MAST4: variants seen among roughly 807,000 people sequenced by gnomAD.
MAST4 encodes microtubule associated serine/threonine kinase family member 4, also known as microtubule-associated serine/threonine-protein kinase 4.
Under a neutral mutation model 162.7 loss-of-function variants are expected in MAST4, and 89 were observed. That is an observed-to-expected ratio of 0.55 (90% CI 0.46 to 0.65). The LOEUF is 0.65. MAST4 is among the 30% of genes least tolerant of loss of function. The pLI, the probability that MAST4 is intolerant of heterozygous loss-of-function variation, is 0.00. For synonymous variants in MAST4, 1,479 were observed against 1,361.1 expected, an observed-to-expected ratio of 1.09 and a Z score of -1.91; for missense variants, 3,153 against 3,374.0, an observed-to-expected ratio of 0.93 and a Z score of 1.62.
intron 3 of MAST4, among the ~76,000 whole-genome samples, chr5:66,887,933 G>A (rs994778395): frequency 2.6e-5 from 4 of 152,044 alleles, no homozygotes; most frequent in Non-Finnish European, 5.9e-5. Flanking sequence ...ATTGGGCTGG[G>A]CGCGGTGGCT....
chr5:67,039,582 A>G (rs1038700110), intron 4 of MAST4, among the ~76,000 whole-genome samples: 1 of 152,334 alleles, frequency 6.6e-6, no homozygotes, highest in Non-Finnish European at 1.5e-5. Flanking sequence ...AGTTCCTCTC[A>G]TTAAACAGAA....
chr5:66,956,351 G>A (rs1400435571), intron 4 of MAST4, among the ~76,000 whole-genome samples: 1 of 151,992 alleles, frequency 6.6e-6, no homozygotes, highest in Non-Finnish European at 1.5e-5. Flanking sequence ...CATGTGTGTT[G>A]TCTTGAGAAG....
chr5:66,720,218 A>G (rs1751108705), intron 1 of MAST4, among the ~76,000 whole-genome samples: 1 of 152,056 alleles, frequency 6.6e-6, no homozygotes, highest in South Asian at 2.1e-4. Context: ...ATGGTCACAT[A>G]TTTCTTGTGC....
chr5:66,762,090 A>G (rs1368706730), intron 2 of MAST4, among the ~76,000 whole-genome samples: 1 of 152,210 alleles, frequency 6.6e-6, no homozygotes, highest in Non-Finnish European at 1.5e-5. Context: ...CAAACATGAA[A>G]TTTGGCCTTT....
intron 3 of MAST4, among the ~76,000 whole-genome samples, chr5:66,846,503 G>T (rs2094652111): frequency 6.6e-6 from 1 of 152,158 alleles, no homozygotes; most frequent in African/African-American, 2.4e-5. Flanking sequence ...TAAGAGGCAG[G>T]CTTTCCTGGT....
chr5:66,813,291 T>C (rs373291830), intron 3 of MAST4, among the ~76,000 whole-genome samples: 3 of 152,360 alleles, frequency 2.0e-5, no homozygotes, highest in East Asian at 3.9e-4. Flanking sequence ...CATTTGCTGA[T>C]TCTGGGTATA....
chr5:66,766,809 G>A (rs1005946887), intron 2 of MAST4, among the ~76,000 whole-genome samples: 2 of 152,116 alleles, frequency 1.3e-5, no homozygotes, highest in Non-Finnish European at 2.9e-5. Flanking sequence ...ACCATCAAAA[G>A]AATGCCTGTA....
chr5:66,662,569 C>T (rs544946696), intron 1 of MAST4: 1 of 152,244 alleles, frequency 6.6e-6, no homozygotes, highest in African/African-American at 2.4e-5. Flanking sequence ...TTTGGGCAAT[C>T]CACAAACACA....
intron 5 of MAST4, among the ~76,000 whole-genome samples, chr5:67,065,506 T>G (rs1760127276): frequency 6.6e-6 from 1 of 152,106 alleles, no homozygotes; most frequent in African/African-American, 2.4e-5. Flanking sequence ...CAAAAGGACT[T>G]GAGGCAGGGG....
chr5:66,789,274 G>C (rs1755272788), intron 3 of MAST4, among the ~76,000 whole-genome samples: 1 of 152,046 alleles, frequency 6.6e-6, no homozygotes, highest in Non-Finnish European at 1.5e-5. Flanking sequence ...ATAGACCTTT[G>C]TTATCACAGT....
chr5:66,943,291 G>A (rs570963884), intron 4 of MAST4, among the ~76,000 whole-genome samples: 1 of 152,198 alleles, frequency 6.6e-6, no homozygotes, highest in East Asian at 1.9e-4. Context: ...TGCACATTGG[G>A]TGGTAGCCCA....
At chr5:66,971,738 G>C (rs531775217) in intron 4 of MAST4, among the ~76,000 whole-genome samples, 9 of 152,268 alleles carry the variant, frequency 5.9e-5, no homozygotes, top group African/African-American at 2.2e-4. Context: ...TTACTTTGCT[G>C]TGTGTGGGTG....
intron 3 of MAST4, among the ~76,000 whole-genome samples, chr5:66,855,224 A>T (rs999859121): frequency 3.8e-4 from 58 of 151,986 alleles, no homozygotes; most frequent in African/African-American, 1.1e-3. Flanking sequence ...GTGGGATCTG[A>T]TGGTTAAAAG....
intron 1 of MAST4, among the ~76,000 whole-genome samples, chr5:66,619,104 T>C (rs1434077751): frequency 6.6e-6 from 1 of 152,194 alleles, no homozygotes; most frequent in Non-Finnish European, 1.5e-5. Flanking sequence ...CTAATACTTT[T>C]TGGTCATTTG....
chr5:67,146,525 A>T (rs1470177632), intron 23 of MAST4, among the ~76,000 whole-genome samples: 1 of 152,254 alleles, frequency 6.6e-6, no homozygotes, highest in Non-Finnish European at 1.5e-5. Context: ...AATATGCTGT[A>T]TTGATAACCA....
intron 1 of MAST4, among the ~76,000 whole-genome samples, chr5:66,652,461 A>G (rs892794936): frequency 1.3e-5 from 2 of 152,228 alleles, no homozygotes; most frequent in African/African-American, 4.8e-5. Context: ...AACTTGTTTA[A>G]AGATGGTTGC....
intron 4 of MAST4, among the ~76,000 whole-genome samples, chr5:67,047,221 C>T (rs73768175): frequency 0.027 from 4,182 of 152,310 alleles, 166 homozygotes; most frequent in African/African-American, 0.083. Flanking sequence ...AAACAAAAGT[C>T]AGGTTATGTT....
chr5:66,612,120 T>C (rs1290138177), intron 1 of MAST4, among the ~76,000 whole-genome samples: 1 of 152,230 alleles, frequency 6.6e-6, no homozygotes. Context: ...ATTCACAGGC[T>C]GGAGCTATAT....
intron 1 of MAST4, among the ~76,000 whole-genome samples, chr5:66,751,278 G>C (rs992904649): frequency 1.3e-5 from 2 of 152,146 alleles, no homozygotes; most frequent in Non-Finnish European, 2.9e-5. Flanking sequence ...CACCAGCAAC[G>C]GAACAAAGCT....
Sources: gnomAD v4.1 joint callset for allele counts (sites outside exome capture counted in the v4.1 genomes callset) on GRCh38, gnomAD v4.1.1 for gene constraint, MANE v1.5 for transcripts, NCBI Gene and HGNC (gene_info 2026-07-23, HGNC 2026-07-21) for gene names.